JAKMIP3: variants seen among roughly 807,000 people sequenced by gnomAD.
JAKMIP3 encodes the protein janus kinase and microtubule-interacting protein 3.
JAKMIP3 carries 58 observed loss-of-function variants against 118.5 expected under a neutral mutation model. The ratio of observed to expected loss-of-function variants is 0.49; its 90% CI spans 0.40 to 0.61. The LOEUF (loss-of-function observed/expected upper bound fraction) is 0.61. Ranked by LOEUF, JAKMIP3 falls within the 20% of genes least tolerant of loss-of-function variation. JAKMIP3 has a pLI of 0.00. For missense variants in JAKMIP3, 950 were observed against 1,109.0 expected, an observed-to-expected ratio of 0.86 and a Z score of 2.04; for synonymous variants, 486 against 451.2, an observed-to-expected ratio of 1.08 and a Z score of -0.98.
chr10:132,149,587 A>AC (rs200880120), intron 15 of JAKMIP3, 77 bp downstream of exon 15: 6 of 163,038 alleles, frequency 3.7e-5, no homozygotes, highest in Admixed American at 9.0e-5. Context: ...CCCCCGCCCC[A>AC]CCCCCCTCCG....
At position 132,102,788 on chromosome 10, in the gene JAKMIP3, T is replaced by C. The variant is rs2045191987; in HGVS notation, c.-137-1884T>C. ...GCCCCACACCCACACAGCTTGGCCTTCATCAAACTGCAGGGCCCATGTCCA... is the reference window on the plus strand; with the variant it reads ...GCCCCACACCCACACAGCTTGGCCTCCATCAAACTGCAGGGCCCATGTCCA... On this transcript the variant is annotated intron_variant, in intron 1 of 23. Coordinates refer to ENST00000684848, the MANE Select transcript of JAKMIP3 (RefSeq NM_001323087.2). Among the ~76,000 whole-genome samples, 2 of 152,170 alleles carry C rather than the reference T, an allele frequency of 1.3e-5. 1 individual carries two copies. Among genetic ancestry groups the C allele is most frequent in the African/African-American group, 4.8e-5 (2 of 41,458 alleles).
At position 132,044,789 on chromosome 10, in the gene JAKMIP3, A is replaced by G. The variant is rs1200580598; in HGVS notation, c.-138+8051A>G. Among the ~76,000 whole-genome samples, 1 of 151,984 alleles carries G rather than the reference A, an allele frequency of 6.6e-6. No homozygotes were observed. The highest frequency in any genetic ancestry group is 6.6e-5 in the Admixed American group (1 of 15,238). ...CTCCAGAACGATTTCATCTTCCCAAACGGAAACTGTACCCCCCACCCAGCC... is the reference window on the plus strand; with the variant it reads ...CTCCAGAACGATTTCATCTTCCCAAGCGGAAACTGTACCCCCCACCCAGCC... On this transcript the variant is annotated intron_variant, in intron 1 of 23. Transcript: ENST00000657785. The surrounding 1 kb of genome is among the most constrained non-coding windows in gnomAD (Gnocchi z 5.3).
At position 132,137,754 on chromosome 10, in the gene JAKMIP3, G is replaced by A. The variant is rs187846721; in HGVS notation, c.1285-365G>A. On this transcript the variant is annotated intron_variant, in intron 8 of 23. Coordinates refer to ENST00000684848, the MANE Select transcript of JAKMIP3 (RefSeq NM_001323087.2). ...CGCCAGTCCCCACACAGATGTGGAC[G>A]CCACCCCTGCAGGGTCCGGAGGGGC... 1.5e-3 allele frequency among the ~76,000 whole-genome samples: 224 copies of A among 152,330 alleles called. 1 individual carries two copies. Among genetic ancestry groups the A allele is most frequent in the African/African-American group, 5.3e-3 (219 of 41,580 alleles).
chr10:132,163,436 C>A, intron 20 of JAKMIP3, 24 bp downstream of exon 20: 1 of 1,571,872 alleles, frequency 6.4e-7, no homozygotes, highest in South Asian at 1.1e-5. Context: ...GGGGGCAGGG[C>A]TGGCGTGAAG....
intron 1 of JAKMIP3, among the ~76,000 whole-genome samples, chr10:132,040,479 C>A (rs750772240): frequency 7.9e-5 from 12 of 152,182 alleles, no homozygotes; most frequent in Non-Finnish European, 1.6e-4. Context: ...CAGCCACACA[C>A]AGAGTTTGGA....
Position 132,145,563 on chromosome 10 carries a change from C to G in JAKMIP3, c.1732C>G (p.Gln578Glu). The stretch of plus-strand genomic sequence containing the variant: ...GAAGCAGGCACTGTACCGGAGAAAT[C>G]AAGAGCTTGTGGAAAAGGTGAGCCC... ...EEKQALYRRNQELVEKIKQME... is the reference protein window; with the variant it reads ...EEKQALYRRNEELVEKIKQME... The change falls in exon 13 of 24, where the codon CAA becomes GAA. Residue 578 changes from glutamine to glutamate, a missense_variant. Coordinates refer to ENST00000684848, the MANE Select transcript of JAKMIP3 (RefSeq NM_001323087.2). 2 of 1,564,604 alleles carry G rather than the reference C, an allele frequency of 1.3e-6. No homozygotes were observed. Among genetic ancestry groups the G allele is most frequent in the South Asian group, 2.4e-5 (2 of 84,708 alleles).
chr10:132,101,675 C>T (rs2044939887), intron 1 of JAKMIP3, among the ~76,000 whole-genome samples: 1 of 151,924 alleles, frequency 6.6e-6, no homozygotes, highest in Non-Finnish European at 1.5e-5. Context: ...CAGGAGAGGG[C>T]AGTGGTGGCC....
rs1412381703 is a variant in JAKMIP3 at position 132,180,690 on chromosome 10, TGC to T, written c.*1104-1665_*1104-1664del. On this transcript the variant is annotated intron_variant, in intron 23 of 23. Transcript: ENST00000684848. ...GCGTGTGTGTGCGCGCGCGTGTGTGTGCGTGCGTGTGTGTGTGCGCGTGTGTG... is the reference window on the plus strand; with the variant it reads ...GCGTGTGTGTGCGCGCGCGTGTGTGTGTGCGTGTGTGTGTGCGCGTGTGTG... 8.6e-3 allele frequency among the ~76,000 whole-genome samples: 212 copies of T among 24,776 alleles called. 34 individuals are homozygous for T. Among genetic ancestry groups the T allele is most frequent in the East Asian group, 0.065 (12 of 186 alleles). The allele number at this position is 24,776 out of a possible 152,430, so 16.3% of individuals were successfully genotyped here.
intron 1 of JAKMIP3, among the ~76,000 whole-genome samples, chr10:132,071,876 C>CTTCCTTTCTTTCT (rs1297143825): frequency 2.4e-5 from 1 of 41,836 alleles, no homozygotes; most frequent in African/African-American, 7.9e-5. Flanking sequence ...TCTTTCTTTC[C>CTTCCTTTCTTTCT]TTCCTTTCTT....
Position 132,141,851 on chromosome 10 carries a change from C to A in JAKMIP3, c.1474-69C>A. Reference sequence around the variant, plus strand: ...GGGGAGAAGGGAAGCCCCGGGGCCCCGCCATCGGAGGAGGTGCTGGCTACT... The same window carrying A: ...GGGGAGAAGGGAAGCCCCGGGGCCCAGCCATCGGAGGAGGTGCTGGCTACT... On this transcript the variant is annotated intron_variant, in intron 10 of 23. Coordinates refer to ENST00000684848, the MANE Select transcript of JAKMIP3 (RefSeq NM_001323087.2). 8.5e-6 allele frequency: 13 copies of A among 1,531,598 alleles called. No individual in the cohort carries two copies. The South Asian group carries it at 1.6e-4, about 19-fold the overall frequency. 94.9% of individuals were successfully genotyped at this position (1,531,598 alleles called of 1,614,324 possible). A position where few individuals can be genotyped will look rare whatever the true frequency, so the allele number is the denominator to read the frequency against.
At chr10:132,175,657 C>T (rs1396758899) in intron 23 of JAKMIP3, among the ~76,000 whole-genome samples, 1 of 152,174 alleles carries the variant, frequency 6.6e-6, no homozygotes, top group Non-Finnish European at 1.5e-5. Flanking sequence ...GCCTGAATGC[C>T]AATGAGCAGC....
At chr10:132,067,081 C>T (rs376700116) in intron 1 of JAKMIP3, among the ~76,000 whole-genome samples, 1 of 151,998 alleles carries the variant, frequency 6.6e-6, no homozygotes, top group African/African-American at 2.4e-5. Flanking sequence ...CCTCAGTTCC[C>T]GAGAAGAGCA....
chr10:132,105,868 A>G (rs2045822142), intron 2 of JAKMIP3, among the ~76,000 whole-genome samples: 1 of 124,794 alleles, frequency 8.0e-6, no homozygotes, highest in Admixed American at 7.4e-5. Context: ...TTGCCCATCA[A>G]AGGCATCTCT....
intron 4 of JAKMIP3, among the ~76,000 whole-genome samples, chr10:132,134,531 C>T (rs2051320312): frequency 6.6e-6 from 1 of 152,176 alleles, no homozygotes; most frequent in Non-Finnish European, 1.5e-5. Flanking sequence ...CCATTGGAGG[C>T]AGGTCACCTC....
At chr10:132,156,147 C>T (rs1454992262) in intron 19 of JAKMIP3, among the ~76,000 whole-genome samples, 1 of 152,206 alleles carries the variant, frequency 6.6e-6, no homozygotes, top group African/African-American at 2.4e-5. Flanking sequence ...CCCAGCTGCC[C>T]TTACTGGAGA....
At chr10:132,099,253 T>A (rs1163303746) in intron 1 of JAKMIP3, among the ~76,000 whole-genome samples, 1 of 152,100 alleles carries the variant, frequency 6.6e-6, no homozygotes, top group African/African-American at 2.4e-5. Context: ...TGAGGTTCAC[T>A]GTGGTGATTC....
At chr10:132,128,987 C>T (rs745525125) in intron 3 of JAKMIP3, among the ~76,000 whole-genome samples, 14 of 152,274 alleles carry the variant, frequency 9.2e-5, no homozygotes, top group South Asian at 2.1e-4. Context: ...GACTTAGCTT[C>T]GTTATTGGTT....
intron 1 of JAKMIP3, among the ~76,000 whole-genome samples, chr10:132,076,595 C>CT (rs1278396161): frequency 6.6e-6 from 1 of 150,904 alleles, no homozygotes; most frequent in Non-Finnish European, 1.5e-5. Context: ...GGCCCCAGGT[C>CT]TGACGGCATG....
chr10:132,156,664 T>C (rs1398794412), intron 19 of JAKMIP3, among the ~76,000 whole-genome samples: 1 of 152,142 alleles, frequency 6.6e-6, no homozygotes, highest in African/African-American at 2.4e-5. Flanking sequence ...ATGGAAGTGG[T>C]TCTGCCTTTC....
Sources: gnomAD v4.1 joint callset for allele counts (sites outside exome capture counted in the v4.1 genomes callset) on GRCh38, gnomAD v4.1.1 for gene constraint, Gnocchi (gnomAD v3.1) non-coding constraint, MANE v1.5 for transcripts, NCBI Gene and HGNC (gene_info 2026-07-23, HGNC 2026-07-21) for gene names.